HDAC9: variants seen among roughly 807,000 people sequenced by gnomAD.
The protein encoded by HDAC9 is MEF-2 interacting transcription repressor (MITR) protein.
In HDAC9, 41 loss-of-function variants were observed where a neutral mutation model predicts 139.4. The ratio of observed to expected loss-of-function variants is 0.29; its 90% CI spans 0.23 to 0.38. The LOEUF (loss-of-function observed/expected upper bound fraction) is 0.38. HDAC9 is among the 10% of genes least tolerant of loss of function. HDAC9 has a pLI of 1.00. For missense variants in HDAC9, 1,147 were observed against 1,297.0 expected, an observed-to-expected ratio of 0.88 and a Z score of 1.78; for synonymous variants, 517 against 476.2, an observed-to-expected ratio of 1.09 and a Z score of -1.12.
At chr7:18,529,681 A>G (rs192393143) in intron 2 of HDAC9, among the ~76,000 whole-genome samples, 11 of 152,302 alleles carry the variant, frequency 7.2e-5, no homozygotes, top group Admixed American at 5.9e-4. Context: ...TTTTTTCTCA[A>G]TCATTTCTTT....
chr7:18,606,728 A>T (rs2128893097), intron 6 of HDAC9, among the ~76,000 whole-genome samples: 1 of 152,304 alleles, frequency 6.6e-6, no homozygotes, highest in African/African-American at 2.4e-5. Flanking sequence ...TTACTTTTTA[A>T]GCATTCATTT....
intron 6 of HDAC9, among the ~76,000 whole-genome samples, chr7:18,623,731 C>G (rs1480992086): frequency 1.3e-5 from 2 of 152,176 alleles, no homozygotes; most frequent in Non-Finnish European, 2.9e-5. Flanking sequence ...ATTACAAGGT[C>G]AGGAGCTCCA....
intron 2 of HDAC9, among the ~76,000 whole-genome samples, chr7:18,234,016 G>C (rs1171869198): frequency 6.6e-6 from 1 of 152,082 alleles, no homozygotes; most frequent in Non-Finnish European, 1.5e-5. Context: ...CATAAAATAT[G>C]TAAGGGTTGC....
intron 1 of HDAC9, among the ~76,000 whole-genome samples, chr7:18,316,633 CAAAAAA>C (rs10641889): frequency 2.0e-5 from 2 of 100,318 alleles, no homozygotes; most frequent in African/African-American, 8.3e-5. Context: ...CAGATCTCTC[CAAAAAA>C]AAAAAAAAAA....
At chr7:18,896,169 A>G (rs1390484984) in intron 22 of HDAC9, among the ~76,000 whole-genome samples, 1 of 152,100 alleles carries the variant, frequency 6.6e-6, no homozygotes, top group East Asian at 1.9e-4. Flanking sequence ...TTTATTTTCC[A>G]TTAGAGTCTT....
intron 11 of HDAC9, among the ~76,000 whole-genome samples, chr7:18,656,018 A>C (rs1278982227): frequency 6.6e-6 from 1 of 151,566 alleles, no homozygotes; most frequent in Non-Finnish European, 1.5e-5. Flanking sequence ...TGATTTGTAG[A>C]CATGAAAACT....
chr7:18,592,009 C>G (rs1274648099), intron 5 of HDAC9, among the ~76,000 whole-genome samples: 3 of 152,108 alleles, frequency 2.0e-5, no homozygotes, highest in Admixed American at 1.3e-4. Flanking sequence ...CCATTCTCAA[C>G]TGGTGCATTT....
intron 1 of HDAC9, among the ~76,000 whole-genome samples, chr7:18,363,640 A>G (rs899874981): frequency 5.9e-5 from 9 of 151,910 alleles, no homozygotes; most frequent in Admixed American, 1.3e-4. Context: ...TATTTACAAA[A>G]TGGAGATGTT....
chr7:18,496,399 C>A, intron 2 of HDAC9, 75 bp downstream of exon 2: 1 of 1,309,492 alleles, frequency 7.6e-7, no homozygotes, highest in Non-Finnish European at 1.1e-6. Flanking sequence ...CTAAGAAAAG[C>A]ACCTCTCTTA....
chr7:18,827,001 C>G (rs1421356585), intron 17 of HDAC9, among the ~76,000 whole-genome samples: 1 of 151,368 alleles, frequency 6.6e-6, no homozygotes, highest in Non-Finnish European at 1.5e-5. Context: ...AGCTGTAATC[C>G]CAGCACTTTG....
In HDAC9 at chr7:18,732,882, TGC is replaced by T. The variant is rs796102024; in HGVS notation, c.1909+5127_1909+5128del. On this transcript the variant is annotated intron_variant, in intron 13 of 25. Transcript: ENST00000686413. The stretch of plus-strand genomic sequence containing the variant: ...GTGCGTATGTGTACACACACACGTG[TGC>T]GTATGTGTACACACACACGTGTGCG... 9.6e-4 allele frequency among the ~76,000 whole-genome samples: 96 copies of T among 99,744 alleles called. 5 individuals are homozygous for T. The highest frequency in any genetic ancestry group is 4.1e-3 in the East Asian group (8 of 1,950). The allele number at this position is 99,744 out of a possible 152,430, so 65.4% of individuals were successfully genotyped here.
intron 17 of HDAC9, among the ~76,000 whole-genome samples, chr7:18,820,068 C>T (rs1039333675): frequency 6.6e-6 from 1 of 151,922 alleles, no homozygotes; most frequent in African/African-American, 2.4e-5. Flanking sequence ...TGAATATATT[C>T]CCTTCAAAGT....
At chr7:18,855,098 C>T (rs1289327762) in intron 21 of HDAC9, among the ~76,000 whole-genome samples, 1 of 152,156 alleles carries the variant, frequency 6.6e-6, no homozygotes, top group Admixed American at 6.5e-5. Flanking sequence ...CTTAATCTCA[C>T]TGCACTCTAC....
intron 2 of HDAC9, among the ~76,000 whole-genome samples, chr7:18,235,425 T>C (rs756888745): frequency 2.6e-5 from 4 of 152,170 alleles, no homozygotes; most frequent in Non-Finnish European, 5.9e-5. Context: ...AGGTACCAAC[T>C]TAATGTCACT....
chr7:18,982,182 G>C (rs1463711744), intron 25 of HDAC9, among the ~76,000 whole-genome samples: 1 of 152,124 alleles, frequency 6.6e-6, no homozygotes, highest in Non-Finnish European at 1.5e-5. Context: ...TCAGTCCAAA[G>C]TATCATCATC....
intron 2 of HDAC9, among the ~76,000 whole-genome samples, chr7:18,558,819 G>T (rs1032348673): frequency 1.3e-5 from 2 of 152,186 alleles, no homozygotes; most frequent in African/African-American, 4.8e-5. Flanking sequence ...TCACAGTAAA[G>T]GTTTCTCAGA....
At chr7:18,219,753 C>T (rs1046371976) in intron 2 of HDAC9, among the ~76,000 whole-genome samples, 15 of 152,034 alleles carry the variant, frequency 9.9e-5, no homozygotes, top group Non-Finnish European at 1.5e-5. Context: ...TCTGGATTTC[C>T]AAAAAACTTT....
intron 12 of HDAC9, among the ~76,000 whole-genome samples, chr7:18,686,700 G>T (rs115746023): frequency 0.015 from 2,348 of 151,866 alleles, 17 homozygotes; most frequent in Middle Eastern, 0.051. Flanking sequence ...AACCTACCTG[G>T]TGGATTCTGA....
intron 2 of HDAC9, among the ~76,000 whole-genome samples, chr7:18,526,726 T>C (rs1447886232): frequency 6.6e-6 from 1 of 152,110 alleles, no homozygotes; most frequent in African/African-American, 2.4e-5. Context: ...GATCTATGGC[T>C]TAGGATAGCC....
Sources: allele counts gnomAD v4.1 joint callset (sites outside exome capture counted in the v4.1 genomes callset), GRCh38; gene constraint gnomAD v4.1.1; transcripts MANE v1.5; gene names NCBI Gene and HGNC (gene_info 2026-07-23, HGNC 2026-07-21).